Variants in RBFOX1 observed in about 807,000 individuals in gnomAD.
RBFOX1 encodes RNA binding protein fox-1 homolog 1.
Under a neutral mutation model 57.7 loss-of-function variants are expected in RBFOX1, and 8 were observed. The ratio of observed to expected loss-of-function variants is 0.14; its 90% CI spans 0.08 to 0.25. The LOEUF is 0.25. Among genes scored for constraint, RBFOX1 ranks in the 10% least tolerant of loss-of-function variants. The probability of loss-of-function intolerance (pLI) is 1.00; values close to 1 mark genes in which losing one functional copy is unlikely to be tolerated. For synonymous variants in RBFOX1, 326 were observed against 222.4 expected, an observed-to-expected ratio of 1.47 and a Z score of -4.15; for missense variants, 611 against 548.5, an observed-to-expected ratio of 1.11 and a Z score of -1.14.
intron 3 of RBFOX1, among the ~76,000 whole-genome samples, chr16:6,839,484 G>C (rs1567497953): frequency 6.6e-6 from 1 of 152,166 alleles, no homozygotes; most frequent in Non-Finnish European, 1.5e-5. Context: ...GGCACAAATA[G>C]GTTTCTTTTA....
chr16:6,158,580 T>A (rs1366644774), intron 1 of RBFOX1, among the ~76,000 whole-genome samples: 6 of 152,196 alleles, frequency 3.9e-5, no homozygotes, highest in African/African-American at 1.2e-4. Context: ...AGTGGTGTTT[T>A]TTAGTTTCTT....
chr16:6,942,277 C>G (rs910241321), intron 3 of RBFOX1, among the ~76,000 whole-genome samples: 19 of 152,100 alleles, frequency 1.2e-4, no homozygotes, highest in Non-Finnish European at 2.5e-4. Flanking sequence ...GAGACTCCAT[C>G]TCACAAACAA....
At chr16:5,240,648 CTTCCATCCCAGAAATCGCTCTCCTCT>C (rs1357832263) in intron 1 of RBFOX1, among the ~76,000 whole-genome samples, 12 of 152,302 alleles carry the variant, frequency 7.9e-5, no homozygotes, top group African/African-American at 2.4e-4. Context: ...AGGCAGATGG[CTTCCATCCCAGAAATCGCTCTCCTCT>C]TTCCATCCCT....
chr16:6,592,680 T>G lies in RBFOX1; in HGVS notation c.-63-61923T>G, dbSNP rs551178366. ...TTTGCTATCTGTTTAGTTTTGAAGC[T>G]CATAGTCCCCTGAGAAATGTCGTGT... On this transcript the variant is annotated intron_variant, in intron 2 of 15. Transcript: ENST00000550418. Among the ~76,000 whole-genome samples the G allele has an allele frequency of 3.3e-5, 5 of 152,302 alleles. No homozygotes were observed. In the South Asian group the frequency reaches 1.0e-3, roughly 32 times the overall value.
At chr16:6,190,658 A>C (rs975355083) in intron 1 of RBFOX1, among the ~76,000 whole-genome samples, 2 of 152,298 alleles carry the variant, frequency 1.3e-5, no homozygotes, top group South Asian at 2.1e-4. Context: ...GGGAACACAC[A>C]GCCACCAATT....
chr16:6,565,276 A>T (rs2097246460), intron 2 of RBFOX1, among the ~76,000 whole-genome samples: 2 of 116,166 alleles, frequency 1.7e-5, no homozygotes, highest in East Asian at 3.0e-4. Context: ...TTTTTGTCTG[A>T]GACAGAGTCT....
intron 2 of RBFOX1, among the ~76,000 whole-genome samples, chr16:6,439,645 T>C (rs143942389): frequency 2.0e-5 from 3 of 152,302 alleles, no homozygotes; most frequent in Admixed American, 2.0e-4. Context: ...TTCTCTCCTG[T>C]GTGGCTCAGA....
chr16:6,622,059 G>C (rs958077723), intron 2 of RBFOX1, among the ~76,000 whole-genome samples: 5 of 152,124 alleles, frequency 3.3e-5, no homozygotes, highest in African/African-American at 4.8e-5. Context: ...GTTTGAGTTG[G>C]TGTTTATGTG....
chr16:7,353,964 ATATTT>A (rs1174115804), intron 4 of RBFOX1, among the ~76,000 whole-genome samples: 18 of 152,062 alleles, frequency 1.2e-4, no homozygotes, highest in Non-Finnish European at 2.4e-4. Context: ...ACAGAATTGT[ATATTT>A]TATTTTATTT....
chr16:6,548,599 A>G (rs781742408), intron 2 of RBFOX1, among the ~76,000 whole-genome samples: 13 of 152,188 alleles, frequency 8.5e-5, no homozygotes, highest in Non-Finnish European at 1.9e-4. Context: ...ACACGAATAA[A>G]CTTTCAAATA....
chr16:7,211,242 A>G (rs2091069173), intron 4 of RBFOX1, among the ~76,000 whole-genome samples: 1 of 151,554 alleles, frequency 6.6e-6, no homozygotes, highest in Admixed American at 6.6e-5. Context: ...ACACAAAGAA[A>G]TTAGCCAGGT....
chr16:6,936,996 G>A (rs71374922), intron 3 of RBFOX1, among the ~76,000 whole-genome samples: 2,163 of 151,194 alleles, frequency 0.014, 41 homozygotes, highest in Non-Finnish European at 0.019. Flanking sequence ...AATGCTAGAT[G>A]ACGAGTTAGT....
chr16:7,538,223 T>G (rs1171057937), intron 5 of RBFOX1, among the ~76,000 whole-genome samples: 2 of 152,198 alleles, frequency 1.3e-5, no homozygotes, highest in African/African-American at 4.8e-5. Flanking sequence ...TGCCTGGGCT[T>G]CACTTGAATG....
chr16:5,709,169 G>C (rs1225973383), intron 3 of RBFOX1, among the ~76,000 whole-genome samples: 1 of 152,168 alleles, frequency 6.6e-6, no homozygotes, highest in Non-Finnish European at 1.5e-5. Flanking sequence ...CTGTGGATCT[G>C]TTTCTGGGCT....
Position 7,587,243 on chromosome 16 carries a change from G to A in RBFOX1, c.415-4G>A. Reference sequence around the variant, plus strand: ...GCTTATAAGATATTTCTATTTCTTTGCAGCAATTTGGTAAAATCTTAGATG... The same window carrying A: ...GCTTATAAGATATTTCTATTTCTTTACAGCAATTTGGTAAAATCTTAGATG... On this transcript the variant is annotated splice_region_variant and splice_polypyrimidine_tract_variant and intron_variant, in intron 6 of 15. Transcript: ENST00000550418. 6.4e-7 allele frequency: 1 copy of A among 1,566,856 alleles called. No individual in the cohort carries two copies. Among genetic ancestry groups the A allele is most frequent in the South Asian group, 1.2e-5 (1 of 82,066 alleles).
Position 6,020,137 on chromosome 16 carries a change from AGG to A in RBFOX1, c.-127+147_-127+148del, listed in dbSNP as rs1231866950. The A allele has an allele frequency of 9.0e-6, 9 of 1,002,930 alleles. No individual in the cohort carries two copies. In the African/African-American group the frequency reaches 1.5e-4, roughly 17 times the overall value. The allele number at this position is 1,002,930 out of a possible 1,614,324, so 62.1% of individuals were successfully genotyped here. On this transcript the variant is annotated intron_variant, in intron 1 of 15. Coordinates refer to ENST00000550418, the MANE Select transcript of RBFOX1 (RefSeq NM_018723.4). ...GGGCGCTCTGGACGGGAACTTTTTC[AGG>A]GTGTGTGGAAAGATCTCGAGGCGTG...
chr16:7,688,797 A>C (rs2076694549), intron 14 of RBFOX1, among the ~76,000 whole-genome samples: 1 of 152,098 alleles, frequency 6.6e-6, no homozygotes, highest in African/African-American at 2.4e-5. Context: ...TTCATAATCA[A>C]GTTGTTGTTA....
At chr16:6,568,709 T>A (rs1321110806) in intron 2 of RBFOX1, among the ~76,000 whole-genome samples, 1 of 152,158 alleles carries the variant, frequency 6.6e-6, no homozygotes, top group Non-Finnish European at 1.5e-5. Flanking sequence ...TTTCCTAATG[T>A]CTTCTTCCAT....
intron 1 of RBFOX1, among the ~76,000 whole-genome samples, chr16:5,321,065 A>G (rs2064389248): frequency 6.6e-6 from 1 of 152,132 alleles, no homozygotes; most frequent in South Asian, 2.1e-4. Context: ...GGGAAACTGT[A>G]CTGTTTGCAT....
Sources: gnomAD v4.1 joint callset for allele counts (sites outside exome capture counted in the v4.1 genomes callset) on GRCh38, gnomAD v4.1.1 for gene constraint, MANE v1.5 for transcripts, NCBI Gene and HGNC (gene_info 2026-07-23, HGNC 2026-07-21) for gene names.